SLC4A5: variants seen among roughly 807,000 people sequenced by gnomAD.
SLC4A5 encodes solute carrier family 4 member 5.
SLC4A5 carries 96 observed loss-of-function variants against 120.4 expected under a neutral mutation model. The ratio of observed to expected loss-of-function variants is 0.80; its 90% CI spans 0.68 to 0.94. The LOEUF (loss-of-function observed/expected upper bound fraction) is 0.94, where lower values mean the gene tolerates loss of function less well. Ranked by LOEUF, SLC4A5 falls within the 40% of genes least tolerant of loss-of-function variation. The pLI is 0.00. For synonymous variants in SLC4A5, 550 were observed against 571.1 expected (o/e 0.96, Z 0.53); for missense variants, 1,259 against 1,459.5 (o/e 0.86, Z 2.24).
At chr2:74,304,630 T>C in exon 7 of SLC4A5, 2 of 1,614,186 alleles carry the variant, frequency 1.2e-6, no homozygotes, top group Non-Finnish European at 1.7e-6. Flanking sequence ...TGGTCAGTTT[T>C]TCTTTGAGGG....
chr2:74,262,644 A>G (rs924075584), intron 10 of SLC4A5, among the ~76,000 whole-genome samples: 1 of 151,714 alleles, frequency 6.6e-6, no homozygotes, highest in African/African-American at 2.4e-5. Context: ...GTTTGCAGTG[A>G]GCTGAGATCG....
Position 74,250,534 on chromosome 2 carries a change from C to G in SLC4A5, c.1479-17G>C, listed in dbSNP as rs1180053604. On this transcript the variant is annotated splice_polypyrimidine_tract_variant and intron_variant, in intron 16 of 30. Transcript: ENST00000394019. ...CCGAAGAACCTGCTCAAGACAGGCCCAGGGGCTGCTTTCTCACCACTAACA... is the reference window on the plus strand; with the variant it reads ...CCGAAGAACCTGCTCAAGACAGGCCGAGGGGCTGCTTTCTCACCACTAACA... 6.2e-7 allele frequency: 1 copy of G among 1,613,668 alleles called. No homozygotes were observed. Among genetic ancestry groups the G allele is most frequent in the Non-Finnish European group, 8.5e-7 (1 of 1,179,826 alleles).
intron 20 of SLC4A5, among the ~76,000 whole-genome samples, chr2:74,240,731 C>T (rs972413130): frequency 3.3e-5 from 5 of 150,364 alleles, no homozygotes; most frequent in African/African-American, 1.2e-4. Flanking sequence ...GATCACACCA[C>T]TACATTCCAG....
At chr2:74,283,289 C>G (rs1671870866) in intron 8 of SLC4A5, among the ~76,000 whole-genome samples, 1 of 152,158 alleles carries the variant, frequency 6.6e-6, no homozygotes, top group South Asian at 2.1e-4. Context: ...AGTTTCCTAT[C>G]TATAAAATAG....
At chr2:74,270,362 G>C (rs889991274) in intron 8 of SLC4A5, among the ~76,000 whole-genome samples, 2 of 152,194 alleles carry the variant, frequency 1.3e-5, no homozygotes, top group Non-Finnish European at 2.9e-5. Flanking sequence ...AGAATAACTT[G>C]GAGAGATTTA....
chr2:74,258,947 G>A (rs1202840288), intron 12 of SLC4A5, among the ~76,000 whole-genome samples: 3 of 152,212 alleles, frequency 2.0e-5, no homozygotes, highest in Non-Finnish European at 4.4e-5. Context: ...CCTACTCCTG[G>A]GGAGATAGAC....
intron 28 of SLC4A5, 54 bp from the exon 29 acceptor site, chr2:74,223,006 T>TA: frequency 1.3e-5 from 17 of 1,277,738 alleles, no homozygotes; most frequent in Non-Finnish European, 1.7e-5. Flanking sequence ...AATTTGGCTT[T>TA]CTTTTTTTTT....
At chr2:74,256,784 G>C (rs1670978061) in intron 12 of SLC4A5, among the ~76,000 whole-genome samples, 2 of 152,090 alleles carry the variant, frequency 1.3e-5, no homozygotes, top group Non-Finnish European at 2.9e-5. Flanking sequence ...TTTTCAGATT[G>C]CTTTCCCTCT....
intron 23 of SLC4A5, 91 bp from the exon 24 acceptor site, chr2:74,232,738 C>A: frequency 3.4e-6 from 5 of 1,491,596 alleles, no homozygotes; most frequent in Non-Finnish European, 4.5e-6. Context: ...TCAAGGACCC[C>A]CTGCCTTCCA....
exon 28 of SLC4A5, chr2:74,224,928 A>G (rs1465951988): frequency 1.2e-6 from 2 of 1,613,708 alleles, no homozygotes; most frequent in African/African-American, 2.7e-5. Flanking sequence ...GATGTTGTCA[A>G]TCCAGGCCAG....
chr2:74,226,985 G>A (rs768783461), exon 27 of SLC4A5: 5 of 1,613,800 alleles, frequency 3.1e-6, no homozygotes, highest in South Asian at 2.2e-5. Flanking sequence ...GGCAGCCACC[G>A]TGGATTTGAG....
At chr2:74,244,466 T>C (rs201016889) in intron 19 of SLC4A5, among the ~76,000 whole-genome samples, 85 of 69,434 alleles carry the variant, frequency 1.2e-3, no homozygotes, top group African/African-American at 8.1e-3. Context: ...TTCCTTTTCT[T>C]TCTCTTTCTT....
rs747333987 is a variant in SLC4A5, at chr2:74,253,020, T to C, written c.1222A>G (p.Asn408Asp). ...TTCTTGGGGGGCTCAATCCGGATAT[T>C]TGGGTCCCATTCTCCAGGAGGAAGG... Residue 408 changes from asparagine (N) to aspartate (D), a missense_variant, in exon 15 of 31, where the codon AAT becomes GAT. Coordinates refer to ENST00000394019, the Ensembl canonical transcript of SLC4A5. 5 of 1,614,096 alleles carry C rather than the reference T, an allele frequency of 3.1e-6. No individual in the cohort carries two copies. The South Asian group carries it at 4.4e-5, about 14-fold the overall frequency.
chr2:74,270,566 A>C (rs1301484278), intron 8 of SLC4A5, among the ~76,000 whole-genome samples: 1 of 152,308 alleles, frequency 6.6e-6, no homozygotes, highest in East Asian at 1.9e-4. Flanking sequence ...CCAGCTACTC[A>C]GGAGGCTGAG....
intron 30 of SLC4A5, among the ~76,000 whole-genome samples, chr2:74,221,037 G>A (rs1468802674): frequency 1.3e-5 from 2 of 151,248 alleles, no homozygotes; most frequent in Admixed American, 6.6e-5. Context: ...TAGAGACGGG[G>A]TTTCACCATG....
intron 7 of SLC4A5, 130 bp downstream of exon 7, chr2:74,304,359 G>A (rs549869735): frequency 8.6e-6 from 8 of 928,158 alleles, no homozygotes; most frequent in African/African-American, 3.3e-5. Flanking sequence ...AGCAGAGGGG[G>A]CCAGAGAGGT....
intron 18 of SLC4A5, among the ~76,000 whole-genome samples, chr2:74,247,660 A>G (rs560798389): frequency 0.011 from 1,643 of 151,740 alleles, 37 homozygotes; most frequent in African/African-American, 0.038. Context: ...GATTACAGGC[A>G]CCCGCCGCCA....
intron 22 of SLC4A5, 73 bp downstream of exon 22, chr2:74,235,028 A>T: frequency 8.3e-7 from 1 of 1,199,210 alleles, no homozygotes; most frequent in Non-Finnish European, 1.2e-6. Flanking sequence ...GAGTTTGATC[A>T]GCACAGAGGG....
intron 22 of SLC4A5, among the ~76,000 whole-genome samples, chr2:74,233,863 C>T (rs757270735): frequency 6.6e-6 from 1 of 152,140 alleles, no homozygotes; most frequent in Non-Finnish European, 1.5e-5. Flanking sequence ...AGCACAGTCA[C>T]CTGCTGCAAA....
Sources: allele counts gnomAD v4.1 joint callset (sites outside exome capture counted in the v4.1 genomes callset), GRCh38; gene constraint gnomAD v4.1.1; transcripts MANE v1.5; gene names NCBI Gene and HGNC (gene_info 2026-07-23, HGNC 2026-07-21).